NAA60: variants seen among roughly 807,000 people sequenced by gnomAD.
The protein encoded by NAA60 is N-alpha-acetyltransferase 60.
In NAA60, 8 loss-of-function variants were observed where a neutral mutation model predicts 26.1. The observed-to-expected ratio is 0.31, with a 90% CI of 0.18 to 0.55. The LOEUF (loss-of-function observed/expected upper bound fraction) is 0.55. Ranked by LOEUF, NAA60 falls within the 20% of genes least tolerant of loss-of-function variation. NAA60 has a pLI of 0.93. For synonymous variants in NAA60, 131 were observed against 122.5 expected (o/e 1.07, Z -0.46); for missense variants, 290 against 311.3 (o/e 0.93, Z 0.51).
intron 2 of NAA60, among the ~76,000 whole-genome samples, chr16:3,459,498 C>G (rs2035232981): frequency 6.6e-6 from 1 of 152,170 alleles, no homozygotes; most frequent in African/African-American, 2.4e-5. Context: ...GTATAAGTCC[C>G]AGTTATCTTT....
intron 5 of NAA60, 59 bp downstream of exon 5, chr16:3,482,657 C>A: frequency 8.1e-7 from 1 of 1,234,142 alleles, no homozygotes; most frequent in African/African-American, 1.5e-5. Flanking sequence ...CTACCCCACC[C>A]CCATCCCATC....
At chr16:3,471,143 G>C (rs12445617) in intron 2 of NAA60, among the ~76,000 whole-genome samples, 1 of 152,116 alleles carries the variant, frequency 6.6e-6, no homozygotes, top group Non-Finnish European at 1.5e-5. Context: ...TGAGAGATGC[G>C]AGCTTATTAC....
chr16:3,469,084 T>TG (rs2035951099), intron 2 of NAA60, among the ~76,000 whole-genome samples: 1 of 102,602 alleles, frequency 9.7e-6, no homozygotes, highest in Admixed American at 1.0e-4. Context: ...AGACAACATC[T>TG]CAAAAAAAAA....
chr16:3,481,884 G>C (rs571412470), intron 4 of NAA60, among the ~76,000 whole-genome samples: 47 of 152,116 alleles, frequency 3.1e-4, no homozygotes, highest in Non-Finnish European at 5.0e-4. Flanking sequence ...TGTTCTTTAC[G>C]AGTTGGAAGA....
At position 3,484,922 on chromosome 16, in the gene NAA60, T is replaced by C; in HGVS notation, c.*67T>C. The C allele has an allele frequency of 6.5e-7, 1 of 1,544,476 alleles. No individual in the cohort carries two copies. Among genetic ancestry groups the C allele is most frequent in the Non-Finnish European group, 8.7e-7 (1 of 1,146,308 alleles). On this transcript the variant is annotated 3_prime_UTR_variant, in exon 7 of 8. Coordinates refer to ENST00000407558, the MANE Select transcript of NAA60 (RefSeq NM_001083601.3). ...CCCGCAGAGCCCGCCTTCCTGTCCA[T>C]CTGACCCCTTCTGTTTTCTGCAAGG...
intron 3 of NAA60, among the ~76,000 whole-genome samples, chr16:3,477,738 T>C (rs1337919076): frequency 6.7e-6 from 1 of 149,648 alleles, no homozygotes; most frequent in African/African-American, 2.5e-5. Context: ...GAGACCAGCC[T>C]GGCCAACATG....
chr16:3,479,831 C>G (rs1263682087), intron 4 of NAA60, among the ~76,000 whole-genome samples: 2 of 152,186 alleles, frequency 1.3e-5, no homozygotes, highest in Non-Finnish European at 2.9e-5. Flanking sequence ...GGCTTCATAA[C>G]CACTGTCGTT....
chr16:3,454,148 A>G (rs2034887921), intron 2 of NAA60, among the ~76,000 whole-genome samples: 1 of 152,050 alleles, frequency 6.6e-6, no homozygotes, highest in East Asian at 1.9e-4. Flanking sequence ...TGTAGATGGT[A>G]GCTTGTTGCT....
At chr16:3,459,064 T>C (rs561721528) in intron 2 of NAA60, among the ~76,000 whole-genome samples, 55 of 152,342 alleles carry the variant, frequency 3.6e-4, no homozygotes, top group Admixed American at 1.2e-3. Context: ...GCGTACACTT[T>C]TGTGTCACTC....
intron 2 of NAA60, among the ~76,000 whole-genome samples, chr16:3,462,086 CAAAAAA>C (rs1228233879): frequency 6.0e-4 from 46 of 76,806 alleles, no homozygotes; most frequent in African/African-American, 2.1e-3. Flanking sequence ...GACCTTATAT[CAAAAAA>C]AAAAAAAAAA....
At chr16:3,472,633 C>G (rs1404069373) in intron 2 of NAA60, among the ~76,000 whole-genome samples, 1 of 152,160 alleles carries the variant, frequency 6.6e-6, no homozygotes, top group Admixed American at 6.6e-5. Flanking sequence ...CAGGGTTTCA[C>G]CATCTTGGCC....
chr16:3,448,674 C>A (rs796914663), intron 2 of NAA60, 134 bp downstream of exon 2: 2 of 689,644 alleles, frequency 2.9e-6, no homozygotes, highest in Admixed American at 3.1e-5. Context: ...TGATAGAAGG[C>A]GCCTAGTGAA....
chr16:3,467,050 G>A (rs2035809527), intron 2 of NAA60, among the ~76,000 whole-genome samples: 1 of 152,072 alleles, frequency 6.6e-6, no homozygotes, highest in African/African-American at 2.4e-5. Flanking sequence ...CAGAGGTGCG[G>A]AAAGCCTGAC....
At chr16:3,443,866 C>T in intron 1 of NAA60, 29 bp downstream of exon 1, 1 of 1,525,364 alleles carries the variant, frequency 6.6e-7, no homozygotes, top group Non-Finnish European at 8.8e-7. Context: ...GCCCTGTAGG[C>T]CTGAAATTTC....
chr16:3,450,214 C>G (rs2034721479), intron 2 of NAA60: 3 of 345,478 alleles, frequency 8.7e-6, no homozygotes, highest in Admixed American at 4.8e-5. Flanking sequence ...AGCTTTTCTG[C>G]TCTTCTGGGA....
chr16:3,450,592 C>T (rs1263209264), intron 2 of NAA60, among the ~76,000 whole-genome samples: 9 of 148,432 alleles, frequency 6.1e-5, no homozygotes, highest in South Asian at 2.1e-4. Flanking sequence ...CCCAGCTACT[C>T]GGGAGGCTGA....
chr16:3,464,256 G>A (rs1054559674), intron 2 of NAA60, among the ~76,000 whole-genome samples: 6 of 152,150 alleles, frequency 3.9e-5, no homozygotes, highest in African/African-American at 1.2e-4. Flanking sequence ...CAAGTGATCT[G>A]CCTGCCTCGG....
intron 2 of NAA60, among the ~76,000 whole-genome samples, chr16:3,461,560 C>T (rs1246769132): frequency 6.6e-6 from 1 of 152,174 alleles, no homozygotes; most frequent in Non-Finnish European, 1.5e-5. Context: ...TGCAATGTCT[C>T]TTCAAGTTAG....
intron 3 of NAA60, among the ~76,000 whole-genome samples, chr16:3,477,792 G>A (rs557625524): frequency 5.3e-5 from 8 of 151,988 alleles, no homozygotes; most frequent in Admixed American, 1.3e-4. Flanking sequence ...TGGGCCGGGC[G>A]CAGTGGCTCA....
Sources: allele counts gnomAD v4.1 joint callset (sites outside exome capture counted in the v4.1 genomes callset), GRCh38; gene constraint gnomAD v4.1.1; transcripts MANE v1.5; gene names NCBI Gene and HGNC (gene_info 2026-07-23, HGNC 2026-07-21).